Variants in TUBGCP3 observed in about 807,000 individuals in gnomAD.
TUBGCP3 encodes the protein tubulin gamma complex component 3.
Under a neutral mutation model 123.1 loss-of-function variants are expected in TUBGCP3, and 50 were observed. That is an observed-to-expected ratio of 0.41 (90% CI 0.32 to 0.51). The LOEUF is 0.51. Among genes scored for constraint, TUBGCP3 ranks in the 20% least tolerant of loss-of-function variants. The pLI is 0.36. For synonymous variants in TUBGCP3, 405 were observed against 413.9 expected (o/e 0.98, Z 0.26); for missense variants, 882 against 1,127.0 (o/e 0.78, Z 3.11).
chr13:112,583,898 T>C (rs896934295), intron 1 of TUBGCP3: 1 of 152,334 alleles, frequency 6.6e-6, no homozygotes, highest in African/African-American at 2.4e-5. Context: ...GAGTAACTTA[T>C]CACGCATTTT....
At chr13:112,520,215 CA>C (rs1876503981) in intron 14 of TUBGCP3, among the ~76,000 whole-genome samples, 194 bp from the exon 15 acceptor site, 1 of 152,146 alleles carries the variant, frequency 6.6e-6, no homozygotes, top group African/African-American at 2.4e-5. Context: ...TGTGGAGTTA[CA>C]TTTCTTTAAA....
intron 20 of TUBGCP3, among the ~76,000 whole-genome samples, chr13:112,495,403 T>C (rs1226252905): frequency 6.6e-6 from 1 of 152,204 alleles, no homozygotes. Context: ...AGGGATGTGC[T>C]TCCAATATTT....
intron 1 of TUBGCP3, among the ~76,000 whole-genome samples, chr13:112,579,869 T>TA (rs1193571194): frequency 1.3e-5 from 2 of 152,180 alleles, no homozygotes; most frequent in African/African-American, 2.4e-5. Flanking sequence ...TAAGTTCACA[T>TA]AAAAAACCTG....
At chr13:112,512,919 C>G (rs1290776357) in intron 17 of TUBGCP3, among the ~76,000 whole-genome samples, 2 of 152,210 alleles carry the variant, frequency 1.3e-5, no homozygotes, top group African/African-American at 4.8e-5. Flanking sequence ...AGTGTTACTT[C>G]TGAATCAGAC....
At chr13:112,537,147 T>TAA (rs1566559845) in intron 11 of TUBGCP3, among the ~76,000 whole-genome samples, 11 of 107,740 alleles carry the variant, frequency 1.0e-4, no homozygotes, top group African/African-American at 3.5e-4. Flanking sequence ...TTTTTTTTTT[T>TAA]TAAAAAAAAA....
chr13:112,527,080 T>A lies in TUBGCP3; in HGVS notation c.1447-30A>T, dbSNP rs149887764. The A allele has an allele frequency of 2.1e-5, 33 of 1,564,172 alleles. No homozygotes were observed. In the Admixed American group the frequency reaches 3.9e-4, roughly 18 times the overall value. ...AAAGAAAAACATTCTATGATTACTT[T>A]TATGTAAATTTAAAACGACTGCCCA... On this transcript the variant is annotated intron_variant, in intron 12 of 21. Transcript: ENST00000261965.
At chr13:112,570,809 C>T (rs1881336054) in intron 1 of TUBGCP3, among the ~76,000 whole-genome samples, 2 of 152,238 alleles carry the variant, frequency 1.3e-5, no homozygotes, top group Admixed American at 6.5e-5. Flanking sequence ...TCCTCTTAAA[C>T]CCTGCCACTG....
chr13:112,520,769 T>C (rs1317007264), intron 14 of TUBGCP3, among the ~76,000 whole-genome samples: 2 of 152,184 alleles, frequency 1.3e-5, no homozygotes, highest in Admixed American at 6.5e-5. Context: ...CAAGCATTTC[T>C]TGAGGGTTAC....
chr13:112,566,801 C>A (rs912618392), intron 2 of TUBGCP3, among the ~76,000 whole-genome samples: 1 of 152,152 alleles, frequency 6.6e-6, no homozygotes, highest in African/African-American at 2.4e-5. Context: ...TAAATTGATT[C>A]TCTATTAAAT....
intron 1 of TUBGCP3, among the ~76,000 whole-genome samples, chr13:112,580,036 T>C (rs1882170537): frequency 6.6e-6 from 1 of 152,222 alleles, no homozygotes; most frequent in South Asian, 2.1e-4. Context: ...TAAATGCATC[T>C]CAAACGCGTT....
chr13:112,586,659 C>T (rs976366878), intron 1 of TUBGCP3, among the ~76,000 whole-genome samples: 1 of 152,098 alleles, frequency 6.6e-6, no homozygotes. Context: ...ATTCCTTTAC[C>T]CTACTTTTTC....
At chr13:112,533,795 A>G (rs1877793762) in intron 11 of TUBGCP3, among the ~76,000 whole-genome samples, 1 of 142,504 alleles carries the variant, frequency 7.0e-6, no homozygotes, top group Non-Finnish European at 1.5e-5. Flanking sequence ...TTCTAAGAGA[A>G]TTTCTTTTTT....
At chr13:112,598,218 A>G in the TUBGCP3 span, among the ~76,000 whole-genome samples, 1 of 152,106 alleles carries the variant, frequency 6.6e-6, no homozygotes, top group Non-Finnish European at 1.5e-5. Flanking sequence ...TATATTTTAC[A>G]AAGAAAGAGA....
At chr13:112,536,807 C>T (rs1878094780) in intron 11 of TUBGCP3, among the ~76,000 whole-genome samples, 1 of 151,978 alleles carries the variant, frequency 6.6e-6, no homozygotes, top group Non-Finnish European at 1.5e-5. Context: ...GACATGGTCT[C>T]ACTCTGTCAC....
chr13:112,520,181 C>T (rs1876498515), intron 14 of TUBGCP3, among the ~76,000 whole-genome samples, 160 bp from the exon 15 acceptor site: 1 of 152,198 alleles, frequency 6.6e-6, no homozygotes, highest in African/African-American at 2.4e-5. Context: ...AGAGCATTAA[C>T]TGCAAACAGG....
chr13:112,550,524 G>C (rs1183038435), intron 8 of TUBGCP3, among the ~76,000 whole-genome samples: 1 of 152,278 alleles, frequency 6.6e-6, no homozygotes, highest in South Asian at 2.1e-4. Flanking sequence ...AAAATCCAGG[G>C]CTCCCGCTGG....
Position 112,524,524 on chromosome 13 carries a change from G to C in TUBGCP3, c.1556-2015C>G, listed in dbSNP as rs1472092852. 6.6e-6 allele frequency among the ~76,000 whole-genome samples: 1 copy of C among 152,182 alleles called. No individual in the cohort carries two copies. The highest frequency in any genetic ancestry group is 2.4e-5 in the African/African-American group (1 of 41,446). ...ACAACTCGAACACAACTGCTCTCCT[G>C]GTTCTTCTTCCTTCCACCTCTTCAG... On this transcript the variant is annotated intron_variant, in intron 13 of 21. Coordinates refer to ENST00000261965, the MANE Select transcript of TUBGCP3 (RefSeq NM_006322.6). This position sits in a 1 kb window ranked among gnomAD's most constrained non-coding sequence, Gnocchi z 4.4.
At chr13:112,567,220 AAC>A (rs984708884) in intron 2 of TUBGCP3, among the ~76,000 whole-genome samples, 2 of 152,232 alleles carry the variant, frequency 1.3e-5, no homozygotes, top group African/African-American at 4.8e-5. Flanking sequence ...ACCCACAGGA[AAC>A]ACAAACTCTA....
intron 21 of TUBGCP3, among the ~76,000 whole-genome samples, chr13:112,488,559 C>G (rs1698212492): frequency 6.6e-6 from 1 of 152,200 alleles, no homozygotes; most frequent in African/African-American, 2.4e-5. Flanking sequence ...TACAGAGACG[C>G]CTGCAGGTCC....
Sources: allele counts gnomAD v4.1 joint callset (sites outside exome capture counted in the v4.1 genomes callset), GRCh38; gene constraint gnomAD v4.1.1; non-coding constraint Gnocchi (gnomAD v3.1); transcripts MANE v1.5; gene names NCBI Gene and HGNC (gene_info 2026-07-23, HGNC 2026-07-21).